The following NYAP2 variants were observed in gnomAD, a reference collection of about 807,000 sequenced individuals.
NYAP2 encodes the protein neuronal tyrosine-phosphorylated phosphoinositide-3-kinase adaptor 2, also known as neuronal tyrosine-phosphorylated phosphoinositide-3-kinase adapter 2.
NYAP2 carries 23 observed loss-of-function variants against 50.4 expected under a neutral mutation model. That is an observed-to-expected ratio of 0.46 (90% confidence interval 0.33 to 0.65). NYAP2 has a LOEUF of 0.65. Ranked by LOEUF, NYAP2 falls within the 30% of genes least tolerant of loss-of-function variation. NYAP2 has a pLI of 0.02. For synonymous variants in NYAP2, 394 were observed against 365.2 expected (o/e 1.08, Z -0.90); for missense variants, 885 against 861.0 (o/e 1.03, Z -0.35).
At chr2:225,666,415 C>T in the NYAP2 span, among the ~76,000 whole-genome samples, 4,050 of 152,212 alleles carry the variant, frequency 0.027, 192 homozygotes, top group African/African-American at 0.092. Context: ...GAATATTTCC[C>T]CAGCGTGGTC....
chr2:225,691,177 T>C, the NYAP2 span, among the ~76,000 whole-genome samples: 2 of 152,160 alleles, frequency 1.3e-5, no homozygotes, highest in African/African-American at 2.4e-5. Flanking sequence ...TCATCTTACA[T>C]GATAGTTCAG....
chr2:225,600,963 A>G (rs1692681360), intron 5 of NYAP2, among the ~76,000 whole-genome samples: 1 of 152,078 alleles, frequency 6.6e-6, no homozygotes, highest in Non-Finnish European at 1.5e-5. Flanking sequence ...CCATTGAAGG[A>G]TATTTGGGTT....
At chr2:225,626,105 G>C (rs973074897) in intron 5 of NYAP2, among the ~76,000 whole-genome samples, 3 of 152,184 alleles carry the variant, frequency 2.0e-5, no homozygotes, top group African/African-American at 7.2e-5. Flanking sequence ...AGAACCAGTA[G>C]TTTAATAAGA....
chr2:225,520,947 A>C (rs1400130717), intron 4 of NYAP2, among the ~76,000 whole-genome samples: 8 of 149,938 alleles, frequency 5.3e-5, no homozygotes, highest in South Asian at 4.2e-4. Context: ...CTTTTATTTC[A>C]TTGAGCAGTG....
At chr2:225,426,860 T>C (rs550839880) in intron 3 of NYAP2, among the ~76,000 whole-genome samples, 1 of 152,244 alleles carries the variant, frequency 6.6e-6, no homozygotes, top group South Asian at 2.1e-4. Flanking sequence ...AAATAAAGAG[T>C]GGCCCTGAGC....
rs748940117 is a variant in NYAP2 at position 225,582,959 on chromosome 2, G to A, written c.1542G>A (p.Leu514=). The change falls in exon 5 of 7, where the codon CTG becomes CTA. Residue 514 remains leucine, a synonymous_variant. Transcript: ENST00000636099. This position sits in a 1 kb window ranked among gnomAD's most constrained non-coding sequence, Gnocchi z 7.0. ...CACCCACGAGCCCGCTGGAGGAGCT[G>A]ACCAGCCTCTTCTCCTCCGGCCGCA... 2 of 1,612,300 alleles carry A rather than the reference G, an allele frequency of 1.2e-6. No individual in the cohort carries two copies. The highest frequency in any genetic ancestry group is 4.5e-5 in the East Asian group (2 of 44,854).
intron 3 of NYAP2, among the ~76,000 whole-genome samples, chr2:225,495,336 A>G (rs1170439062): frequency 6.6e-6 from 1 of 152,224 alleles, no homozygotes; most frequent in African/African-American, 2.4e-5. Flanking sequence ...TGTCAATGAG[A>G]ATAGATTGAA....
chr2:225,519,686 G>A (rs922719094), intron 4 of NYAP2, among the ~76,000 whole-genome samples: 18 of 152,058 alleles, frequency 1.2e-4, no homozygotes, highest in African/African-American at 3.9e-4. Flanking sequence ...GGACATTTGC[G>A]CTGGTTCCAA....
chr2:225,555,447 ATC>A (rs1691760060), intron 4 of NYAP2, among the ~76,000 whole-genome samples: 1 of 152,116 alleles, frequency 6.6e-6, no homozygotes, highest in African/African-American at 2.4e-5. Flanking sequence ...TGTTGTTAAA[ATC>A]TCTTAGTGAT....
At chr2:225,637,170 T>A (rs1693433825) in intron 6 of NYAP2, among the ~76,000 whole-genome samples, 1 of 152,224 alleles carries the variant, frequency 6.6e-6, no homozygotes, top group South Asian at 2.1e-4. Context: ...TCTACTCGCC[T>A]GCCTTTTCCT....
chr2:225,547,839 T>A (rs1464581023), intron 4 of NYAP2, among the ~76,000 whole-genome samples: 1 of 152,152 alleles, frequency 6.6e-6, no homozygotes, highest in Non-Finnish European at 1.5e-5. Flanking sequence ...AGTTGTTACA[T>A]TTGTTGTTCC....
intron 3 of NYAP2, among the ~76,000 whole-genome samples, chr2:225,449,846 A>G (rs1037359721): frequency 1.1e-4 from 17 of 150,628 alleles, no homozygotes; most frequent in African/African-American, 3.9e-4. Context: ...CGAACTCCTG[A>G]CCTCAAGTGA....
intron 3 of NYAP2, among the ~76,000 whole-genome samples, chr2:225,512,804 CTT>C (rs1690846133): frequency 1.4e-5 from 1 of 71,366 alleles, no homozygotes; most frequent in African/African-American, 6.9e-5. Flanking sequence ...CCCTCCCTCT[CTT>C]TCTTTTCTTT....
intron 4 of NYAP2, among the ~76,000 whole-genome samples, chr2:225,541,088 T>C (rs1691461319): frequency 6.6e-6 from 1 of 152,212 alleles, no homozygotes; most frequent in Admixed American, 6.5e-5. Flanking sequence ...TTGTATGTCT[T>C]CTTATGATAA....
intron 3 of NYAP2, among the ~76,000 whole-genome samples, chr2:225,497,014 G>A (rs1407156805): frequency 1.3e-5 from 2 of 152,150 alleles, no homozygotes; most frequent in Non-Finnish European, 2.9e-5. Flanking sequence ...ATGTGTTGGA[G>A]AAGATGAGGT....
At chr2:225,436,758 A>AAAAG (rs1553538803) in intron 3 of NYAP2, among the ~76,000 whole-genome samples, 1 of 141,840 alleles carries the variant, frequency 7.1e-6, no homozygotes. Flanking sequence ...AAAAAAAAAA[A>AAAAG]AGAGAGAAGA....
At chr2:225,548,511 G>A (rs1482197002) in intron 4 of NYAP2, among the ~76,000 whole-genome samples, 1 of 151,938 alleles carries the variant, frequency 6.6e-6, no homozygotes, top group African/African-American at 2.4e-5. Flanking sequence ...TGTCTCTGGA[G>A]AGTTGGAGGT....
chr2:225,626,528 A>C (rs900509754), intron 5 of NYAP2, among the ~76,000 whole-genome samples: 11 of 152,258 alleles, frequency 7.2e-5, no homozygotes, highest in African/African-American at 2.7e-4. Context: ...TTTGCCAAAT[A>C]AAAGGCACTA....
chr2:225,539,218 C>T (rs889839059), intron 4 of NYAP2, among the ~76,000 whole-genome samples: 3 of 152,172 alleles, frequency 2.0e-5, no homozygotes, highest in Non-Finnish European at 1.5e-5. Context: ...TGTATATGTG[C>T]CACATTTTCT....
Sources: allele counts gnomAD v4.1 joint callset (sites outside exome capture counted in the v4.1 genomes callset), GRCh38; gene constraint gnomAD v4.1.1; non-coding constraint Gnocchi (gnomAD v3.1); transcripts MANE v1.5; gene names NCBI Gene and HGNC (gene_info 2026-07-23, HGNC 2026-07-21).